Variants in ZNF503 observed in about 807,000 individuals in gnomAD.
ZNF503 encodes zinc finger protein 503.
In ZNF503, 15 loss-of-function variants were observed where a neutral mutation model predicts 34.4. The observed-to-expected ratio is 0.44, with a 90% CI of 0.29 to 0.67. The LOEUF (loss-of-function observed/expected upper bound fraction) is 0.67, where lower values mean the gene tolerates loss of function less well. ZNF503 is among the 30% of genes least tolerant of loss of function. The pLI, the probability that ZNF503 is intolerant of heterozygous loss-of-function variation, is 0.13. For synonymous variants in ZNF503, 580 were observed against 456.8 expected, an observed-to-expected ratio of 1.27 and a Z score of -3.44; for missense variants, 1,007 against 926.8, an observed-to-expected ratio of 1.09 and a Z score of -1.12.
At chr10:75,328,556 G>C in the ZNF503 span, among the ~76,000 whole-genome samples, 1 of 151,780 alleles carries the variant, frequency 6.6e-6, no homozygotes, top group African/African-American at 2.4e-5. Flanking sequence ...TGTTCTTTTT[G>C]TTCAGGATTG....
chr10:75,362,710 T>G, the ZNF503 span, among the ~76,000 whole-genome samples: 1 of 152,180 alleles, frequency 6.6e-6, no homozygotes, highest in African/African-American at 2.4e-5. Flanking sequence ...CTGGTCTTGC[T>G]CAGGAACCAG....
chr10:75,296,504 C>CT, the ZNF503 span: 1 of 151,982 alleles, frequency 6.6e-6, no homozygotes, highest in Non-Finnish European at 1.5e-5. Flanking sequence ...AGACACCCCC[C>CT]CTTCCTCCAG....
the ZNF503 span, among the ~76,000 whole-genome samples, chr10:75,304,879 A>G: frequency 6.6e-6 from 1 of 152,174 alleles, no homozygotes; most frequent in African/African-American, 2.4e-5. Context: ...ATACAAAACT[A>G]GAACTCACAG....
chr10:75,312,274 A>G, the ZNF503 span, among the ~76,000 whole-genome samples: 35 of 152,318 alleles, frequency 2.3e-4, no homozygotes, highest in African/African-American at 8.4e-4. Context: ...GAAATAGGAT[A>G]TAAAAGGAAA....
At position 75,399,943 on chromosome 10, in the gene ZNF503, C is replaced by T. The variant is rs1407982284; in HGVS notation, c.747G>A (p.Pro249=). The T allele has an allele frequency of 1.2e-6, 2 of 1,606,432 alleles. No individual in the cohort carries two copies. Among genetic ancestry groups the T allele is most frequent in the Admixed American group, 1.7e-5 (1 of 59,894 alleles). Residue 249 remains proline, a synonymous_variant, in exon 2 of 2, where the codon CCG becomes CCA. Transcript: ENST00000372524. ...GGMLSSAGGA[P]EGKDDKKDTD... is the part of the protein sequence containing the mutation. ...TGTCTTTCTTGTCGTCCTTGCCCTCCGGGGCACCCCCGGCCGAGGACAGCA... is the reference window on the plus strand; with the variant it reads ...TGTCTTTCTTGTCGTCCTTGCCCTCTGGGGCACCCCCGGCCGAGGACAGCA...
chr10:75,329,373 T>C, the ZNF503 span, among the ~76,000 whole-genome samples: 1 of 126,962 alleles, frequency 7.9e-6, no homozygotes, highest in South Asian at 2.8e-4. Flanking sequence ...TAAAACAGCT[T>C]CTTTCTTTCT....
chr10:75,382,501 CTCT>C, the ZNF503 span: 1 of 731,124 alleles, frequency 1.4e-6, no homozygotes, highest in Non-Finnish European at 2.2e-6. Flanking sequence ...CAGCAGCAAC[CTCT>C]TCTTTTTCCT....
intron 1 of ZNF503, chr10:75,400,899 G>T (rs1309185248): frequency 5.9e-5 from 44 of 740,826 alleles, no homozygotes; most frequent in Non-Finnish European, 9.1e-5. Flanking sequence ...AGTATTGGCA[G>T]CCTTGCTCCC....
chr10:75,331,845 C>G, the ZNF503 span, among the ~76,000 whole-genome samples: 5 of 152,250 alleles, frequency 3.3e-5, no homozygotes, highest in South Asian at 1.0e-3. Flanking sequence ...ATAGCAGGTG[C>G]TCCAGTGTTG....
At chr10:75,352,465 G>A in the ZNF503 span, among the ~76,000 whole-genome samples, 1 of 152,176 alleles carries the variant, frequency 6.6e-6, no homozygotes, top group Admixed American at 6.5e-5. Context: ...CAATTCTCAG[G>A]AAGTTTCCAG....
the ZNF503 span, among the ~76,000 whole-genome samples, chr10:75,356,976 T>C: frequency 4.6e-5 from 7 of 152,336 alleles, no homozygotes; most frequent in Admixed American, 4.6e-4. Context: ...CTCTTGTTTT[T>C]GTTCATCCCA....
At chr10:75,344,015 C>T in the ZNF503 span, among the ~76,000 whole-genome samples, 1 of 152,202 alleles carries the variant, frequency 6.6e-6, no homozygotes, top group African/African-American at 2.4e-5. Flanking sequence ...GGAAAGTTCA[C>T]ATTTATCATG....
the ZNF503 span, among the ~76,000 whole-genome samples, chr10:75,356,203 C>T: frequency 6.6e-6 from 1 of 152,070 alleles, no homozygotes. Flanking sequence ...CTATAGTGAA[C>T]CTTTTTTAAA....
At chr10:75,366,010 A>G in the ZNF503 span, among the ~76,000 whole-genome samples, 1 of 152,222 alleles carries the variant, frequency 6.6e-6, no homozygotes, top group Non-Finnish European at 1.5e-5. Context: ...TCCACTGTTT[A>G]GAGTAGCAAG....
Position 75,398,793 on chromosome 10 carries a change from A to G in ZNF503, c.1897T>C (p.Tyr633His). 2 of 1,464,570 alleles carry G rather than the reference A, an allele frequency of 1.4e-6. No homozygotes were observed. The highest frequency in any genetic ancestry group is 2.9e-5 in the South Asian group (2 of 68,172). The allele number at this position is 1,464,570 out of a possible 1,614,324, so 90.7% of individuals were successfully genotyped here. Reference protein sequence around the residue: ...TGPYYSPYALYGQRLTTASAL... With the variant: ...TGPYYSPYALHGQRLTTASAL... ...GAGGCGGTGGTCAGTCTCTGTCCGT[A>G]GAGGGCGTAGGGGGAGTAGTACGGT... The change falls in exon 2 of 2, where the codon TAC becomes CAC. Residue 633 changes from tyrosine (Y) to histidine (H), a missense_variant. Transcript: ENST00000372524.
At chr10:75,300,704 C>CTTT in the ZNF503 span, among the ~76,000 whole-genome samples, 27,791 of 108,512 alleles carry the variant, frequency 0.26, 4,954 homozygotes, top group African/African-American at 0.36. Flanking sequence ...TTCTTTCTTT[C>CTTT]TTTTTTTTTT....
At chr10:75,375,024 A>C in the ZNF503 span, among the ~76,000 whole-genome samples, 1 of 152,238 alleles carries the variant, frequency 6.6e-6, no homozygotes, top group Non-Finnish European at 1.5e-5. Context: ...CTCGGTGGCC[A>C]GATTGGTCCC....
chr10:75,286,885 T>C, the ZNF503 span, among the ~76,000 whole-genome samples: 3 of 152,198 alleles, frequency 2.0e-5, no homozygotes, highest in Non-Finnish European at 4.4e-5. Context: ...GTGAACTGTG[T>C]CTTTCTAATT....
chr10:75,338,878 T>C, the ZNF503 span, among the ~76,000 whole-genome samples: 2 of 152,236 alleles, frequency 1.3e-5, no homozygotes, highest in Non-Finnish European at 2.9e-5. Flanking sequence ...ATTCTGTCTC[T>C]ACCCTAAGCC....
Sources: allele counts gnomAD v4.1 joint callset (sites outside exome capture counted in the v4.1 genomes callset), GRCh38; gene constraint gnomAD v4.1.1; transcripts MANE v1.5; gene names NCBI Gene and HGNC (gene_info 2026-07-23, HGNC 2026-07-21).